The following MTUS2 variants were observed in gnomAD, a reference collection of about 807,000 sequenced individuals.
MTUS2 encodes the protein microtubule associated scaffold protein 2, also known as microtubule-associated tumor suppressor candidate 2.
MTUS2 carries 40 observed loss-of-function variants against 114.1 expected under a neutral mutation model. That is an observed-to-expected ratio of 0.35 (90% confidence interval 0.27 to 0.46). The LOEUF (loss-of-function observed/expected upper bound fraction) is 0.46. Ranked by LOEUF, MTUS2 falls within the 20% of genes least tolerant of loss-of-function variation. The pLI is 1.00. For synonymous variants in MTUS2, 688 were observed against 672.0 expected (o/e 1.02, Z -0.37); for missense variants, 1,679 against 1,705.4 (o/e 0.98, Z 0.27).
chr13:29,233,170 G>T (rs1294287686), intron 5 of MTUS2, among the ~76,000 whole-genome samples: 1 of 151,824 alleles, frequency 6.6e-6, no homozygotes, highest in Admixed American at 6.6e-5. Flanking sequence ...TCTTCCGACT[G>T]TGATGTAGTT....
intron 8 of MTUS2, among the ~76,000 whole-genome samples, chr13:29,378,829 C>G (rs1021051669): frequency 5.9e-5 from 9 of 152,234 alleles, no homozygotes; most frequent in African/African-American, 2.2e-4. Flanking sequence ...TTGCTCACTT[C>G]ATGCTATGGT....
intron 2 of MTUS2, among the ~76,000 whole-genome samples, chr13:28,935,352 C>T (rs1057077166): frequency 5.3e-5 from 8 of 152,000 alleles, no homozygotes; most frequent in Non-Finnish European, 8.8e-5. Flanking sequence ...GATTGCCAAA[C>T]GTATGTTGAG....
At chr13:28,828,038 A>G (rs1330354712) in intron 1 of MTUS2, among the ~76,000 whole-genome samples, 1 of 152,158 alleles carries the variant, frequency 6.6e-6, no homozygotes, top group Non-Finnish European at 1.5e-5. Context: ...TAAGCCTGGG[A>G]GCGCTACGGG....
intron 5 of MTUS2, among the ~76,000 whole-genome samples, chr13:29,262,367 G>A (rs1267310149): frequency 6.6e-6 from 1 of 152,062 alleles, no homozygotes; most frequent in Admixed American, 6.5e-5. Flanking sequence ...TGGACTATAA[G>A]TCTCATTTTA....
At chr13:29,195,362 A>G (rs376077459) in intron 5 of MTUS2, among the ~76,000 whole-genome samples, 3 of 152,128 alleles carry the variant, frequency 2.0e-5, no homozygotes, top group South Asian at 2.1e-4. Flanking sequence ...CCTAAATGAC[A>G]GATGATTAAT....
intron 5 of MTUS2, among the ~76,000 whole-genome samples, chr13:29,137,426 T>C (rs147864598): frequency 6.6e-6 from 1 of 152,086 alleles, no homozygotes; most frequent in African/African-American, 2.4e-5. Context: ...CCATTATTTC[T>C]TCATATATTC....
intron 5 of MTUS2, among the ~76,000 whole-genome samples, chr13:29,213,626 T>C (rs1301660642): frequency 1.3e-5 from 2 of 152,208 alleles, no homozygotes; most frequent in Non-Finnish European, 2.9e-5. Flanking sequence ...TGAAATCTAC[T>C]TTTTTCATTG....
intron 8 of MTUS2, among the ~76,000 whole-genome samples, chr13:29,430,443 T>C (rs1387751790): frequency 6.6e-6 from 1 of 152,228 alleles, no homozygotes; most frequent in African/African-American, 2.4e-5. Flanking sequence ...TTTAGCAGTA[T>C]GATGTTTAAG....
intron 2 of MTUS2, among the ~76,000 whole-genome samples, chr13:28,884,404 A>T (rs994639234): frequency 6.6e-6 from 1 of 152,122 alleles, no homozygotes; most frequent in Non-Finnish European, 1.5e-5. Context: ...GGCTGGGAGG[A>T]GAGAGGAATG....
At chr13:29,193,713 T>A (rs1279711374) in intron 5 of MTUS2, among the ~76,000 whole-genome samples, 1 of 152,152 alleles carries the variant, frequency 6.6e-6, no homozygotes, top group Non-Finnish European at 1.5e-5. Context: ...AATCTACCAA[T>A]GACTTTCTTC....
intron 2 of MTUS2, among the ~76,000 whole-genome samples, chr13:28,959,809 C>A (rs1024183154): frequency 6.6e-6 from 1 of 152,196 alleles, no homozygotes; most frequent in African/African-American, 2.4e-5. Flanking sequence ...TTGGAGGGTA[C>A]ATTTCAACAT....
chr13:28,905,161 A>G (rs1879911364), intron 2 of MTUS2, among the ~76,000 whole-genome samples: 3 of 151,572 alleles, frequency 2.0e-5, no homozygotes, highest in Non-Finnish European at 4.4e-5. Flanking sequence ...TGGGCTGAGA[A>G]AATGGGGTTT....
At chr13:28,946,272 CGTGTGTGT>C (rs58873985) in intron 2 of MTUS2, among the ~76,000 whole-genome samples, 2,940 of 149,106 alleles carry the variant, frequency 0.02, 46 homozygotes, top group East Asian at 0.034. Context: ...TTTCTGTCTG[CGTGTGTGT>C]GTGTGTGTGT....
At chr13:29,475,477 G>A (rs1006486528) in intron 9 of MTUS2, among the ~76,000 whole-genome samples, 32 of 152,220 alleles carry the variant, frequency 2.1e-4, no homozygotes, top group Middle Eastern at 3.4e-3. Context: ...AGGTACTGCC[G>A]AAGAAGGCAT....
chr13:29,300,788 T>C (rs535744492), intron 6 of MTUS2, among the ~76,000 whole-genome samples: 10 of 152,290 alleles, frequency 6.6e-5, no homozygotes, highest in Non-Finnish European at 1.2e-4. Flanking sequence ...ACCTAATTCA[T>C]CCATGGCTGG....
intron 6 of MTUS2, among the ~76,000 whole-genome samples, chr13:29,293,146 A>G (rs1011408898): frequency 9.2e-5 from 14 of 152,298 alleles, no homozygotes; most frequent in Non-Finnish European, 1.9e-4. Context: ...AAAACTTTCT[A>G]CAATGAAAGA....
chr13:28,873,354 C>T (rs1288463683), intron 2 of MTUS2, among the ~76,000 whole-genome samples: 1 of 152,196 alleles, frequency 6.6e-6, no homozygotes, highest in African/African-American at 2.4e-5. Flanking sequence ...TAGATAGAAG[C>T]ACAAATGCCA....
intron 8 of MTUS2, among the ~76,000 whole-genome samples, chr13:29,429,305 T>G (rs1876816932): frequency 6.6e-6 from 1 of 152,256 alleles, no homozygotes; most frequent in Non-Finnish European, 1.5e-5. Flanking sequence ...AAGTGCTAAC[T>G]TTGAAAGTTT....
At chr13:28,841,788 G>A (rs949720030) in intron 2 of MTUS2, among the ~76,000 whole-genome samples, 1 of 152,034 alleles carries the variant, frequency 6.6e-6, no homozygotes, top group African/African-American at 2.4e-5. Flanking sequence ...CCAGGTTCAA[G>A]CGATTCTCCT....
Sources: gnomAD v4.1 joint callset for allele counts (sites outside exome capture counted in the v4.1 genomes callset) on GRCh38, gnomAD v4.1.1 for gene constraint, MANE v1.5 for transcripts, NCBI Gene and HGNC (gene_info 2026-07-23, HGNC 2026-07-21) for gene names.